KSR1: variants seen among roughly 807,000 people sequenced by gnomAD.
The protein encoded by KSR1 is kinase suppressor of ras.
KSR1 carries 35 observed loss-of-function variants against 92.9 expected under a neutral mutation model. The ratio of observed to expected loss-of-function variants is 0.38; its 90% CI spans 0.29 to 0.50. The LOEUF (loss-of-function observed/expected upper bound fraction) is 0.50, where lower values mean the gene tolerates loss of function less well. KSR1 is among the 20% of genes least tolerant of loss of function. The pLI is 0.94. For missense variants in KSR1, 972 were observed against 1,158.5 expected, an observed-to-expected ratio of 0.84 and a Z score of 2.34; for synonymous variants, 467 against 472.6, an observed-to-expected ratio of 0.99 and a Z score of 0.15.
chr17:27,560,300 G>A (rs572383146), intron 2 of KSR1: 2 of 386,106 alleles, frequency 5.2e-6, no homozygotes, highest in East Asian at 1.4e-4. Context: ...TTTCCCGGTT[G>A]GAAGTTGTTG....
At chr17:27,601,302 TC>T in intron 10 of KSR1, 57 bp from the exon 11 acceptor site, 1 of 1,479,486 alleles carries the variant, frequency 6.8e-7, no homozygotes, top group Non-Finnish European at 9.4e-7. Context: ...GCAATTCCGC[TC>T]CTCCCTCCTG....
intron 2 of KSR1, among the ~76,000 whole-genome samples, chr17:27,574,017 T>TCC (rs1480106072): frequency 6.6e-6 from 1 of 152,128 alleles, no homozygotes; most frequent in African/African-American, 2.4e-5. Flanking sequence ...TCAGCCTGGC[T>TCC]CCCTCCCCAG....
chr17:27,483,599 A>AG (rs1321826379), intron 1 of KSR1: 21 of 151,918 alleles, frequency 1.4e-4, no homozygotes, highest in South Asian at 1.0e-3. Flanking sequence ...AAAAAAAAAA[A>AG]AAAGAAATCA....
intron 13 of KSR1, among the ~76,000 whole-genome samples, chr17:27,605,118 A>C (rs965452584): frequency 6.6e-6 from 1 of 152,206 alleles, no homozygotes; most frequent in South Asian, 2.1e-4. Context: ...GATGCAGTGA[A>C]ATTCTTCTAT....
chr17:27,556,066 AAC>A (rs1455251449), intron 2 of KSR1, among the ~76,000 whole-genome samples: 1 of 152,212 alleles, frequency 6.6e-6, no homozygotes, highest in African/African-American at 2.4e-5. Flanking sequence ...CATGGTTACA[AAC>A]ACTGCTACCA....
intron 1 of KSR1, among the ~76,000 whole-genome samples, chr17:27,479,892 C>T (rs755643440): frequency 4.6e-5 from 7 of 151,842 alleles, no homozygotes; most frequent in Non-Finnish European, 8.8e-5. Flanking sequence ...ACCTGTGCTG[C>T]GGGGGCACCT....
rs569070251 is a variant in KSR1 at position 27,456,702 on chromosome 17, G to T, written c.59G>T (p.Gly20Val). Residue 20 changes from glycine (G) to valine (V), a missense_variant, in exon 1 of 21, where the codon GGG becomes GTG. Transcript: ENST00000644974. ...GGAGAGAAGAAGGAGGGCGGTGGCG[G>T]GGGGGATGCGGCGGCCGCGGAGGGA... ...AMGEKKEGGG[G>V]GDAAAAEGGA... 5.0e-4 allele frequency: 417 copies of T among 828,710 alleles called. 2 individuals carry two copies. In the East Asian group the frequency reaches 0.01, roughly 21 times the overall value. 51.3% of individuals were successfully genotyped at this position (828,710 alleles called of 1,614,324 possible).
intron 10 of KSR1, among the ~76,000 whole-genome samples, chr17:27,598,415 C>CAGG (rs2073423281): frequency 2.0e-5 from 3 of 152,338 alleles, no homozygotes; most frequent in East Asian, 3.9e-4. Context: ...ACCCAGCCAG[C>CAGG]AGGAGGCCAG....
chr17:27,525,714 G>A (rs1194980518), intron 1 of KSR1, among the ~76,000 whole-genome samples: 1 of 152,156 alleles, frequency 6.6e-6, no homozygotes, highest in Non-Finnish European at 1.5e-5. Flanking sequence ...GCTTTTCCAG[G>A]TTGCAGCTGC....
chr17:27,589,128 C>A (rs2073079468), intron 6 of KSR1, among the ~76,000 whole-genome samples: 1 of 152,216 alleles, frequency 6.6e-6, no homozygotes, highest in South Asian at 2.1e-4. Flanking sequence ...ACCGGAAGCT[C>A]CCATCTTTGT....
rs894716584 is a variant in KSR1, at chr17:27,624,190, C to T, written c.*798C>T. On this transcript the variant is annotated 3_prime_UTR_variant, in exon 21 of 21. Coordinates refer to ENST00000644974, the MANE Select transcript of KSR1 (RefSeq NM_001394583.1). ...CCAGGCAGGCACCAAGGTGATGGGA[C>T]TCAGGGCCTTGGCTTTTAGATACAT... The T allele has an allele frequency of 6.6e-6, 1 of 152,358 alleles. No homozygotes were observed. The highest frequency in any genetic ancestry group is 6.5e-5 in the Admixed American group (1 of 15,284). The allele number at this position is 152,358 out of a possible 1,614,324, so 9.4% of individuals were successfully genotyped here.
At chr17:27,590,697 C>T (rs535874333) in intron 6 of KSR1, 114 bp from the exon 7 acceptor site, 5 of 921,568 alleles carry the variant, frequency 5.4e-6, no homozygotes, top group Non-Finnish European at 8.5e-6. Context: ...GGCCAAGGGG[C>T]TCTGGGATGG....
rs371933252 is a variant in KSR1, at chr17:27,591,739, C to T, written c.1131-622C>T. ...GGTTTACATTAGGGACCTCTAGCTC[C>T]CATCATGTGGGGAGCACAGGATGAC... On this transcript the variant is annotated intron_variant, in intron 7 of 20. Transcript: ENST00000644974. Among the ~76,000 whole-genome samples, 205 of 152,328 alleles carry T rather than the reference C, an allele frequency of 1.3e-3. 4 individuals are homozygous for T. The South Asian group carries it at 0.04, about 30-fold the overall frequency.
intron 1 of KSR1, among the ~76,000 whole-genome samples, chr17:27,484,429 A>G (rs2068603465): frequency 6.6e-6 from 1 of 152,126 alleles, no homozygotes; most frequent in Admixed American, 6.5e-5. Context: ...ACGGAGTTTC[A>G]CCATGTTGCC....
intron 1 of KSR1, among the ~76,000 whole-genome samples, chr17:27,534,320 G>GT (rs2070675807): frequency 6.6e-6 from 1 of 152,220 alleles, no homozygotes; most frequent in South Asian, 2.1e-4. Context: ...CCAGGAATGT[G>GT]TTTAAGAATC....
At chr17:27,591,665 T>C (rs955700678) in intron 7 of KSR1, among the ~76,000 whole-genome samples, 8 of 152,094 alleles carry the variant, frequency 5.3e-5, no homozygotes, top group Non-Finnish European at 1.0e-4. Context: ...CTCTAGGGAG[T>C]TGCTGAGTTT....
chr17:27,479,220 C>G (rs909530416), intron 1 of KSR1, among the ~76,000 whole-genome samples: 2 of 151,622 alleles, frequency 1.3e-5, no homozygotes, highest in Non-Finnish European at 2.9e-5. Context: ...ATGCTCCTCC[C>G]TGCATCCATG....
chr17:27,538,153 CATT>C (rs542691908), intron 1 of KSR1, among the ~76,000 whole-genome samples: 144 of 152,340 alleles, frequency 9.5e-4, no homozygotes, highest in African/African-American at 3.3e-3. Context: ...GCCTTAGAAA[CATT>C]AGCGGTAGAA....
intron 1 of KSR1, among the ~76,000 whole-genome samples, chr17:27,521,163 G>A (rs1339400873): frequency 6.6e-6 from 1 of 152,056 alleles, no homozygotes; most frequent in African/African-American, 2.4e-5. Flanking sequence ...TACCTCTGGG[G>A]TGGGAACTGG....
Sources: gnomAD v4.1 joint callset for allele counts (sites outside exome capture counted in the v4.1 genomes callset) on GRCh38, gnomAD v4.1.1 for gene constraint, MANE v1.5 for transcripts, NCBI Gene and HGNC (gene_info 2026-07-23, HGNC 2026-07-21) for gene names.